Variants in CD8B2 observed in about 807,000 individuals in gnomAD.
CD8B2 encodes the protein CD8B family member 2, also known as T-cell surface glycoprotein CD8 beta-2 chain.
CD8B2 carries 11 observed loss-of-function variants against 23.7 expected under a neutral mutation model. The observed-to-expected ratio is 0.46, with a 90% CI of 0.29 to 0.77. The LOEUF (loss-of-function observed/expected upper bound fraction) is 0.77, where lower values mean the gene tolerates loss of function less well. CD8B2 is among the 30% of genes least tolerant of loss of function. CD8B2 has a pLI of 0.09. For synonymous variants in CD8B2, 90 were observed against 109.3 expected, an observed-to-expected ratio of 0.82 and a Z score of 1.10; for missense variants, 197 against 270.5, an observed-to-expected ratio of 0.73 and a Z score of 1.91.
intron 5 of CD8B2, among the ~76,000 whole-genome samples, chr2:106,536,961 T>C (rs537140336): frequency 4.7e-4 from 72 of 152,364 alleles, no homozygotes; most frequent in African/African-American, 1.6e-3. Context: ...CCTGCAGCTA[T>C]AGCCAGTGCA....
At chr2:106,543,722 C>T (rs1372241341) in intron 5 of CD8B2, among the ~76,000 whole-genome samples, 1 of 152,136 alleles carries the variant, frequency 6.6e-6, no homozygotes, top group Non-Finnish European at 1.5e-5. Context: ...GCCTGTCAAT[C>T]CATGATGTAA....
chr2:106,527,257 AT>A (rs1050723901), intron 5 of CD8B2, among the ~76,000 whole-genome samples: 10 of 152,322 alleles, frequency 6.6e-5, no homozygotes, highest in East Asian at 1.9e-4. Context: ...TTAAAAAAAA[AT>A]ATTACCATCC....
At chr2:106,518,831 T>G (rs1406535449) in intron 5 of CD8B2, among the ~76,000 whole-genome samples, 1 of 152,026 alleles carries the variant, frequency 6.6e-6, no homozygotes, top group East Asian at 1.9e-4. Context: ...TCACTATCCA[T>G]CCTTCCATCT....
intron 5 of CD8B2, among the ~76,000 whole-genome samples, chr2:106,523,294 G>T (rs1217750282): frequency 6.6e-6 from 1 of 152,156 alleles, no homozygotes; most frequent in Non-Finnish European, 1.5e-5. Context: ...TTACTATCCT[G>T]TTCATTTCCT....
At chr2:106,499,469 T>C (rs1327529356) in intron 3 of CD8B2, among the ~76,000 whole-genome samples, 10 of 148,144 alleles carry the variant, frequency 6.8e-5, no homozygotes. Flanking sequence ...GAGGTGGAGG[T>C]TGTGGTGAGC....
chr2:106,511,689 C>T (rs1679634422), downstream of CD8B2, among the ~76,000 whole-genome samples: 1 of 152,170 alleles, frequency 6.6e-6, no homozygotes, highest in Admixed American at 6.5e-5. Flanking sequence ...AAGGGAAAGA[C>T]AGAAAGAGCC....
At chr2:106,495,463 C>T (rs141253428) in intron 2 of CD8B2, among the ~76,000 whole-genome samples, 4 of 152,018 alleles carry the variant, frequency 2.6e-5, no homozygotes, top group South Asian at 2.1e-4. Context: ...TGCTTGAACC[C>T]GGGAGGCAAA....
chr2:106,523,137 G>C (rs1377525754), intron 5 of CD8B2, among the ~76,000 whole-genome samples: 1 of 152,136 alleles, frequency 6.6e-6, no homozygotes, highest in African/African-American at 2.4e-5. Flanking sequence ...GATCCTACCA[G>C]GGAGAAAAAT....
In CD8B2 at chr2:106,520,011, G is replaced by A. The variant is rs573062849; in HGVS notation, c.620+15686G>A. Among the ~76,000 whole-genome samples, 452 of 152,232 alleles carry A rather than the reference G, an allele frequency of 3.0e-3. 4 individuals are homozygous for A. The highest frequency in any genetic ancestry group is 0.01 in the African/African-American group (432 of 41,526). On this transcript the variant is annotated intron_variant, in intron 5 of 5. Coordinates refer to the CD8B2 transcript ENST00000416057. Reference sequence around the variant, plus strand: ...CCTCAGGAAAGCCCTGCCTACACCCGCTGGGATGTGGTTTCATCCTATGGC... The same window carrying A: ...CCTCAGGAAAGCCCTGCCTACACCCACTGGGATGTGGTTTCATCCTATGGC...
chr2:106,515,558 A>G (rs1679716666), downstream of CD8B2, among the ~76,000 whole-genome samples: 1 of 152,166 alleles, frequency 6.6e-6, no homozygotes, highest in Admixed American at 6.5e-5. Context: ...CCATCTATGA[A>G]GTAGAAAGTG....
At chr2:106,524,727 G>T (rs547560630) in intron 5 of CD8B2, among the ~76,000 whole-genome samples, 2 of 152,226 alleles carry the variant, frequency 1.3e-5, no homozygotes, top group African/African-American at 4.8e-5. Flanking sequence ...GCATCTCCAG[G>T]CTCTGAGTGG....
chr2:106,511,121 A>G (rs1220207341), downstream of CD8B2: 1 of 152,256 alleles, frequency 6.6e-6, no homozygotes, highest in Non-Finnish European at 1.5e-5. Context: ...AGTTGGAATC[A>G]ATAAAAATAT....
intron 1 of CD8B2, 66 bp downstream of exon 1, chr2:106,487,535 G>T (rs1295561672): frequency 2.0e-6 from 2 of 983,410 alleles, no homozygotes; most frequent in Non-Finnish European, 2.6e-6. Flanking sequence ...GAGGTGATAC[G>T]TGGCTGTCCT....
intron 5 of CD8B2, chr2:106,535,513 T>C (rs1195685504): frequency 6.6e-6 from 1 of 152,124 alleles, no homozygotes; most frequent in African/African-American, 2.4e-5. Flanking sequence ...TACATACTTT[T>C]TAATCAGAAC....
chr2:106,524,597 G>A (rs1160507955), intron 5 of CD8B2, among the ~76,000 whole-genome samples: 2 of 152,176 alleles, frequency 1.3e-5, no homozygotes, highest in African/African-American at 2.4e-5. Context: ...CTGCTGCTCC[G>A]AGGACCATAG....
chr2:106,497,007 G>C (rs1679313114), intron 3 of CD8B2, among the ~76,000 whole-genome samples: 1 of 152,208 alleles, frequency 6.6e-6, no homozygotes, highest in South Asian at 2.1e-4. Flanking sequence ...AGACGTGGTG[G>C]CTCACACCTG....
chr2:106,519,071 C>T (rs1679778639), intron 5 of CD8B2, among the ~76,000 whole-genome samples: 1 of 152,086 alleles, frequency 6.6e-6, no homozygotes. Flanking sequence ...ATCATCCATC[C>T]ATCCATCCAT....
intron 3 of CD8B2, 100 bp from the exon 4 acceptor site, chr2:106,502,374 G>A (rs1419269470): frequency 4.5e-6 from 3 of 673,182 alleles, no homozygotes; most frequent in Admixed American, 4.7e-5. Flanking sequence ...TCTCTGGGAG[G>A]TGGGGCTTCC....
At chr2:106,489,481 A>G (rs1306595209) in intron 1 of CD8B2, among the ~76,000 whole-genome samples, 1 of 152,026 alleles carries the variant, frequency 6.6e-6, no homozygotes, top group African/African-American at 2.4e-5. Context: ...TCTTGGGCAC[A>G]CACACATGCC....
Sources: gnomAD v4.1 joint callset for allele counts (sites outside exome capture counted in the v4.1 genomes callset) on GRCh38, gnomAD v4.1.1 for gene constraint, MANE v1.5 for transcripts, NCBI Gene and HGNC (gene_info 2026-07-23, HGNC 2026-07-21) for gene names.